ZNF433: variants seen among roughly 807,000 people sequenced by gnomAD.
The protein encoded by ZNF433 is zinc finger protein 433.
ZNF433 carries 12 observed loss-of-function variants against 10.6 expected under a neutral mutation model. The observed-to-expected ratio is 1.13, with a 90% CI of 0.72 to 1.83. The LOEUF is 1.83. ZNF433 is among the 40% of genes most tolerant of loss of function. The pLI is 0.00. For synonymous variants in ZNF433, 272 were observed against 271.3 expected, an observed-to-expected ratio of 1.00 and a Z score of -0.02; for missense variants, 737 against 798.0, an observed-to-expected ratio of 0.92 and a Z score of 0.92.
At chr19:12,032,188 T>C (rs1025120185) in intron 1 of ZNF433, among the ~76,000 whole-genome samples, 9 of 152,070 alleles carry the variant, frequency 5.9e-5, no homozygotes, top group Non-Finnish European at 1.2e-4. Context: ...TCTGTGCGCC[T>C]CGACCTCCCA....
At chr19:12,035,424 C>T in intron 1 of ZNF433, 113 bp downstream of exon 1, 1 of 1,444,144 alleles carries the variant, frequency 6.9e-7, no homozygotes, top group Non-Finnish European at 9.4e-7. Context: ...CACGGGAAAT[C>T]GGGTCCCAGA....
chr19:12,014,934 G>A lies in ZNF433; in HGVS notation c.1924C>T (p.Pro642Ser). 1 of 1,613,976 alleles carries A rather than the reference G, an allele frequency of 6.2e-7. No homozygotes were observed. Among genetic ancestry groups the A allele is most frequent in the Non-Finnish European group, 8.5e-7 (1 of 1,179,944 alleles). ...RHGRTHTGEKPYKCNQCGKVF... is the reference protein window; with the variant it reads ...RHGRTHTGEKSYKCNQCGKVF... ...TTACCACATTGGTTACATTTATAGGGTTTCTCTCCAGTGTGAGTCCTTCCA... is the reference window on the plus strand; with the variant it reads ...TTACCACATTGGTTACATTTATAGGATTTCTCTCCAGTGTGAGTCCTTCCA... The change falls in exon 4 of 4, where the codon CCC becomes TCC. Residue 642 changes from proline (P) to serine (S), a missense_variant. Pro to Ser is a moderately conservative substitution (Grantham distance 74, BLOSUM62 -1). Transcript: ENST00000550507.
Position 12,015,619 on chromosome 19 carries a change from G to T in ZNF433, c.1239C>A (p.His413Gln), listed in dbSNP as rs368992555. ...TACACTCGTAAGGTTTCTCTCCAGT[G>T]TGAGTTCTTTCATGATATCGGAAGG... The part of the protein sequence containing the change: ...SSSFRYHERT[H>Q]TGEKPYECKQ... The change falls in exon 4 of 4, where the codon CAC (histidine) becomes CAA (glutamine). Residue 413 changes from histidine to glutamine, a missense_variant. Physicochemically the swap from His to Gln is conservative, Grantham distance 24 (BLOSUM62 0). Transcript: ENST00000550507. 4 of 1,613,992 alleles carry T rather than the reference G, an allele frequency of 2.5e-6. No homozygotes were observed. Among genetic ancestry groups the T allele is most frequent in the Non-Finnish European group, 3.4e-6 (4 of 1,180,028 alleles).
chr19:12,030,823 A>G (rs1974981574), intron 1 of ZNF433, among the ~76,000 whole-genome samples: 1 of 152,246 alleles, frequency 6.6e-6, no homozygotes, highest in African/African-American at 2.4e-5. Context: ...TTATGCCTGT[A>G]ATCCCAGCAC....
At chr19:12,018,592 C>T (rs1246966088) in intron 1 of ZNF433, 7 of 224,392 alleles carry the variant, frequency 3.1e-5, no homozygotes, top group Non-Finnish European at 6.0e-5. Flanking sequence ...ACGGCACCTG[C>T]CATAACAAAG....
At position 12,015,398 on chromosome 19, in the gene ZNF433, G is replaced by A. The variant is rs779159244; in HGVS notation, c.1460C>T (p.Pro487Leu). 2.9e-5 allele frequency: 46 copies of A among 1,613,988 alleles called. No homozygotes were observed. The East Asian group carries it at 3.8e-4, about 13-fold the overall frequency. The change falls in exon 4 of 4, where the codon CCC becomes CTC. Residue 487 changes from proline to leucine, a missense_variant. Transcript: ENST00000550507. ...CCTTTCATGTCTATGAAATAAACTG[G>A]GCAAACTGAATGTTTTCCCATAACC... Reference protein sequence around the residue: ...CKGYGKTFSLPSLFHRHERTH... With the variant: ...CKGYGKTFSLLSLFHRHERTH...
chr19:12,027,856 T>C (rs1044062205), intron 1 of ZNF433: 1 of 152,190 alleles, frequency 6.6e-6, no homozygotes, highest in African/African-American at 2.4e-5. Context: ...GGACCAGGTA[T>C]AGAATTTGCA....
chr19:12,029,863 C>T (rs1458797232), intron 1 of ZNF433, among the ~76,000 whole-genome samples: 1 of 151,714 alleles, frequency 6.6e-6, no homozygotes, highest in Non-Finnish European at 1.5e-5. Context: ...GGGTGGATCA[C>T]GAGGTCAGGA....
Position 12,015,890 on chromosome 19 carries a change from C to T in ZNF433, c.968G>A (p.Arg323His), listed in dbSNP as rs374067182. Residue 323 changes from arginine to histidine, a missense_variant, in exon 4 of 4, where the codon CGC becomes CAC. By Grantham distance (29) the Arg-to-His change is conservative (BLOSUM62 0). Coordinates refer to ENST00000550507, the MANE Select transcript of ZNF433 (RefSeq NM_001308348.2). Reference sequence around the variant, plus strand: ...CCTAGAGTGGGTTCTTTCATGTCTGCGAACAGAACTGGGACACTTGAATGC... The same window carrying T: ...CCTAGAGTGGGTTCTTTCATGTCTGTGAACAGAACTGGGACACTTGAATGC... ...GKAFKCPSSV[R>H]RHERTHSRKK... 25 of 1,613,066 alleles carry T rather than the reference C, an allele frequency of 1.5e-5. No individual in the cohort carries two copies. Among genetic ancestry groups the T allele is most frequent in the African/African-American group, 6.7e-5 (5 of 74,784 alleles).
Position 12,035,551 on chromosome 19 carries a change from C to A in ZNF433, c.-12G>T. On this transcript the variant is annotated 5_prime_UTR_variant, in exon 1 of 4. Coordinates refer to ENST00000550507, the MANE Select transcript of ZNF433 (RefSeq NM_001308348.2). ...CGCACGCTCACCATTTCTTGCCTTTCAGGTGACTCCCACGACCAGTGCGGG... is the reference window on the plus strand; with the variant it reads ...CGCACGCTCACCATTTCTTGCCTTTAAGGTGACTCCCACGACCAGTGCGGG... The A allele has an allele frequency of 1.3e-6, 2 of 1,571,294 alleles. No homozygotes were observed. The highest frequency in any genetic ancestry group is 1.7e-6 in the Non-Finnish European group (2 of 1,158,360).
chr19:12,034,994 A>G (rs993937197), intron 1 of ZNF433: 7 of 404,058 alleles, frequency 1.7e-5, no homozygotes, highest in Non-Finnish European at 3.5e-5. Flanking sequence ...TCTTTAAGTT[A>G]TTTTACACAG....
rs576813648 is a variant in ZNF433 at position 12,015,383 on chromosome 19, C to A, written c.1475G>T (p.Arg492Ile). ...KTFSLPSLFH[R>I]HERTHTGGKT... The stretch of plus-strand genomic sequence containing the variant: ...TCCTCCAGTGTGAGTCCTTTCATGT[C>A]TATGAAATAAACTGGGCAAACTGAA... Residue 492 changes from arginine (R) to isoleucine (I), a missense_variant, in exon 4 of 4, where the codon AGA (arginine) becomes ATA (isoleucine). Physicochemically the swap from Arg to Ile is moderately conservative, Grantham distance 97. Coordinates refer to ENST00000550507, the MANE Select transcript of ZNF433 (RefSeq NM_001308348.2). 1.9e-5 allele frequency: 31 copies of A among 1,613,996 alleles called. 1 individual carries two copies. In the African/African-American group the frequency reaches 2.9e-4, roughly 15 times the overall value.
At chr19:12,029,068 A>T (rs932176696) in intron 1 of ZNF433, among the ~76,000 whole-genome samples, 1 of 152,244 alleles carries the variant, frequency 6.6e-6, no homozygotes, top group African/African-American at 2.4e-5. Flanking sequence ...TAAAGATGTC[A>T]TATGTCCTTA....
At chr19:12,024,433 G>C (rs1227368825) in intron 1 of ZNF433, 1 of 152,238 alleles carries the variant, frequency 6.6e-6, no homozygotes, top group Non-Finnish European at 1.5e-5. Context: ...CATAAGGCGT[G>C]TTAAACAGTC....
In ZNF433 at chr19:12,020,321, A is replaced by G. The variant is rs185132572; in HGVS notation, c.4-2029T>C. ...AAAAGTATTTGAATGACATTTCTGC[A>G]ATACATAGAAATGACCAATAAGTAT... On this transcript the variant is annotated intron_variant, in intron 1 of 3. Transcript: ENST00000550507. 2.4e-3 allele frequency among the ~76,000 whole-genome samples: 360 copies of G among 152,302 alleles called. 2 individuals are homozygous for G. Among genetic ancestry groups the G allele is most frequent in the Non-Finnish European group, 3.9e-3 (267 of 68,026 alleles).
Position 12,016,242 on chromosome 19 carries a change from A to G in ZNF433, c.616T>C (p.Phe206Leu). Residue 206 changes from phenylalanine (F) to leucine (L), a missense_variant, in exon 4 of 4, where the codon TTT becomes CTT. Transcript: ENST00000550507. ...TTGTGGATAAGATACAAACTGAGAA[A>G]CATCAAGGCTTTCCCACAAAATTTA... ...KCKFCGKALMFLSLYLIHKRT... is the reference protein window; with the variant it reads ...KCKFCGKALMLLSLYLIHKRT... The G allele has an allele frequency of 6.2e-7, 1 of 1,614,198 alleles. No individual in the cohort carries two copies. Among genetic ancestry groups the G allele is most frequent in the Admixed American group, 1.7e-5 (1 of 60,028 alleles).
intron 1 of ZNF433, among the ~76,000 whole-genome samples, chr19:12,032,246 T>C (rs1599378143): frequency 6.6e-6 from 1 of 151,958 alleles, no homozygotes; most frequent in Non-Finnish European, 1.5e-5. Context: ...CCAGAACTGA[T>C]ATTTTGGGTA....
rs754848918 is a variant in ZNF433, at chr19:12,015,658, A to G, written c.1200T>C (p.Phe400=). The change falls in exon 4 of 4, where the codon TTT becomes TTC. Residue 400 remains phenylalanine (F), a synonymous_variant. Coordinates refer to ENST00000550507, the MANE Select transcript of ZNF433 (RefSeq NM_001308348.2). The part of the protein sequence containing the change: ...PYKCNQCGKA[F]NSSSSFRYHE... ...GATATCGGAAGGAACTGGAAGAATT[A>G]AAGGCTTTACCACATTGGTTGCATT... is the stretch of plus-strand genomic sequence containing the variant. 132 of 1,612,504 alleles carry G rather than the reference A, an allele frequency of 8.2e-5. No individual in the cohort carries two copies. Among genetic ancestry groups the G allele is most frequent in the South Asian group, 1.8e-4 (16 of 90,972 alleles).
intron 1 of ZNF433, among the ~76,000 whole-genome samples, chr19:12,029,034 T>C (rs1974873842): frequency 6.6e-6 from 1 of 152,182 alleles, no homozygotes; most frequent in South Asian, 2.1e-4. Context: ...CATGGAAAGA[T>C]ATCAATGGAA....
Sources: gnomAD v4.1 joint callset for allele counts (sites outside exome capture counted in the v4.1 genomes callset) on GRCh38, gnomAD v4.1.1 for gene constraint, MANE v1.5 for transcripts, NCBI Gene and HGNC (gene_info 2026-07-23, HGNC 2026-07-21) for gene names.